Variants in TRDN observed in about 807,000 individuals in gnomAD.
TRDN encodes the protein triadin in skeletal muscle.
Under a neutral mutation model 149.7 loss-of-function variants are expected in TRDN, and 161 were observed. The ratio of observed to expected loss-of-function variants is 1.08; its 90% CI spans 0.95 to 1.23. The LOEUF (loss-of-function observed/expected upper bound fraction) is 1.23, where lower values mean the gene tolerates loss of function less well. Among genes scored for constraint, TRDN ranks in the 50% most tolerant of loss-of-function variants. The probability of loss-of-function intolerance (pLI) is 0.00; values close to 1 mark genes in which losing one functional copy is unlikely to be tolerated. For synonymous variants in TRDN, 294 were observed against 250.5 expected, an observed-to-expected ratio of 1.17 and a Z score of -1.64; for missense variants, 896 against 823.5, an observed-to-expected ratio of 1.09 and a Z score of -1.08.
intron 21 of TRDN, among the ~76,000 whole-genome samples, chr6:123,348,866 G>A (rs1042315452): frequency 6.6e-6 from 1 of 152,074 alleles, no homozygotes; most frequent in African/African-American, 2.4e-5. Context: ...CATAAAGTTG[G>A]TTATTTCCTC....
At chr6:123,243,077 A>G (rs547443016) in intron 38 of TRDN, among the ~76,000 whole-genome samples, 10 of 152,220 alleles carry the variant, frequency 6.6e-5, no homozygotes, top group African/African-American at 2.4e-4. Flanking sequence ...CCCGAAGACA[A>G]ATTCCACTGT....
intron 38 of TRDN, among the ~76,000 whole-genome samples, chr6:123,237,238 A>G (rs1394582002): frequency 6.6e-6 from 1 of 151,948 alleles, no homozygotes; most frequent in African/African-American, 2.4e-5. Context: ...TTCTGTATTA[A>G]CTTTATACCC....
intron 38 of TRDN, among the ~76,000 whole-genome samples, chr6:123,242,501 T>C (rs1427771766): frequency 6.6e-6 from 1 of 152,044 alleles, no homozygotes; most frequent in Non-Finnish European, 1.5e-5. Context: ...CAAATGAATA[T>C]TTAGAAATTA....
chr6:123,302,352 A>G (rs1208541423), intron 24 of TRDN, among the ~76,000 whole-genome samples: 3 of 152,152 alleles, frequency 2.0e-5, no homozygotes, highest in Non-Finnish European at 4.4e-5. Context: ...CTAGCTAAAT[A>G]TGGGTTTATT....
intron 1 of TRDN, among the ~76,000 whole-genome samples, chr6:123,608,368 G>A (rs1303452142): frequency 6.6e-6 from 1 of 152,120 alleles, no homozygotes; most frequent in Non-Finnish European, 1.5e-5. Context: ...CTTCAAAAGT[G>A]TTATCTTCTT....
chr6:123,273,758 T>C (rs1415084591), intron 27 of TRDN, among the ~76,000 whole-genome samples: 1 of 152,080 alleles, frequency 6.6e-6, no homozygotes, highest in African/African-American at 2.4e-5. Context: ...TCTAGATTTG[T>C]ATTCTTGATT....
chr6:123,332,348 A>G (rs1779691558), intron 22 of TRDN, among the ~76,000 whole-genome samples: 1 of 152,064 alleles, frequency 6.6e-6, no homozygotes, highest in South Asian at 2.1e-4. Context: ...AATCCTGCAC[A>G]TATCATGTAT....
At chr6:123,225,077 G>T (rs1181902317) in intron 38 of TRDN, among the ~76,000 whole-genome samples, 1 of 131,566 alleles carries the variant, frequency 7.6e-6, no homozygotes, top group Non-Finnish European at 1.6e-5. Context: ...AATGGGCAAA[G>T]GATCTGAACA....
intron 20 of TRDN, among the ~76,000 whole-genome samples, chr6:123,354,221 C>T (rs1780574427): frequency 6.6e-6 from 1 of 151,774 alleles, no homozygotes; most frequent in Non-Finnish European, 1.5e-5. Context: ...TTTTAGAGTG[C>T]ACAGTCCAGT....
chr6:123,240,473 A>C lies in TRDN; in HGVS notation c.1975+11939T>G, dbSNP rs189290410. Among the ~76,000 whole-genome samples the C allele has an allele frequency of 9.9e-4, 150 of 152,010 alleles. 2 individuals carry two copies. Among genetic ancestry groups the C allele is most frequent in the Middle Eastern group, 6.9e-3 (2 of 288 alleles). The stretch of plus-strand genomic sequence containing the variant: ...ATCTTACTTGCTGAAACAACGTAAA[A>C]AAAAAGCCATAAATAACAGTTATAT... On this transcript the variant is annotated intron_variant, in intron 38 of 40. Transcript: ENST00000334268.
intron 5 of TRDN, among the ~76,000 whole-genome samples, chr6:123,519,058 A>G (rs1162534968): frequency 6.6e-6 from 1 of 152,206 alleles, no homozygotes; most frequent in Non-Finnish European, 1.5e-5. Context: ...CCTTGTCACC[A>G]GCCCTATTTG....
chr6:123,346,420 A>T (rs1257173627), intron 21 of TRDN, among the ~76,000 whole-genome samples: 2 of 151,926 alleles, frequency 1.3e-5, no homozygotes, highest in East Asian at 3.8e-4. Context: ...TTTATATTTT[A>T]GATTTTTATT....
chr6:123,308,791 A>G (rs926214546), intron 24 of TRDN, among the ~76,000 whole-genome samples: 5 of 152,070 alleles, frequency 3.3e-5, no homozygotes, highest in Non-Finnish European at 7.4e-5. Context: ...AAAAGCCATT[A>G]TAACACAGTA....
intron 32 of TRDN, among the ~76,000 whole-genome samples, chr6:123,265,780 ACT>A (rs1776930006): frequency 6.8e-6 from 1 of 147,556 alleles, no homozygotes; most frequent in Non-Finnish European, 1.5e-5. Context: ...ATTTATACTA[ACT>A]CTCCCAATCC....
At chr6:123,494,736 A>G (rs1029976896) in intron 9 of TRDN, among the ~76,000 whole-genome samples, 6 of 151,946 alleles carry the variant, frequency 3.9e-5, no homozygotes, top group Admixed American at 2.6e-4. Flanking sequence ...CCTAAAATTG[A>G]ACTTTTTGTT....
intron 24 of TRDN, among the ~76,000 whole-genome samples, chr6:123,298,583 G>T (rs1183020031): frequency 6.6e-6 from 1 of 152,066 alleles, no homozygotes; most frequent in Non-Finnish European, 1.5e-5. Context: ...AGGGACTGCA[G>T]CTATCATCTT....
At chr6:123,289,323 G>C (rs1050503909) in intron 24 of TRDN, among the ~76,000 whole-genome samples, 2 of 151,904 alleles carry the variant, frequency 1.3e-5, no homozygotes, top group African/African-American at 2.4e-5. Context: ...AGAGGGTAGA[G>C]AATAGAGGGA....
chr6:123,568,375 TC>T (rs999160219), intron 2 of TRDN, among the ~76,000 whole-genome samples: 3 of 152,198 alleles, frequency 2.0e-5, no homozygotes, highest in African/African-American at 7.2e-5. Context: ...GTGGCCTCCT[TC>T]CCACAGCTCC....
chr6:123,324,996 A>T (rs1043762669), intron 23 of TRDN, among the ~76,000 whole-genome samples: 1 of 152,140 alleles, frequency 6.6e-6, no homozygotes, highest in Non-Finnish European at 1.5e-5. Flanking sequence ...GCATCTTCTA[A>T]GATTTTATTC....
Sources: gnomAD v4.1 joint callset for allele counts (sites outside exome capture counted in the v4.1 genomes callset) on GRCh38, gnomAD v4.1.1 for gene constraint, MANE v1.5 for transcripts, NCBI Gene and HGNC (gene_info 2026-07-23, HGNC 2026-07-21) for gene names.